The following DIXDC1 variants were observed in gnomAD, a reference collection of about 807,000 sequenced individuals.
DIXDC1 encodes the protein DIX domain containing 1, also known as dixin.
Under a neutral mutation model 103.1 loss-of-function variants are expected in DIXDC1, and 64 were observed. That is an observed-to-expected ratio of 0.62 (90% confidence interval 0.51 to 0.76). The LOEUF (loss-of-function observed/expected upper bound fraction) is 0.76. DIXDC1 is among the 30% of genes least tolerant of loss of function. DIXDC1 has a pLI of 0.00. For synonymous variants in DIXDC1, 266 were observed against 298.5 expected, an observed-to-expected ratio of 0.89 and a Z score of 1.12; for missense variants, 759 against 834.2, an observed-to-expected ratio of 0.91 and a Z score of 1.11.
Position 111,995,035 on chromosome 11 carries a change from G to A in DIXDC1, c.1454G>A (p.Ser485Asn). 1 of 1,613,748 alleles carries A rather than the reference G, an allele frequency of 6.2e-7. No individual in the cohort carries two copies. Among genetic ancestry groups the A allele is most frequent in the Non-Finnish European group, 8.5e-7 (1 of 1,179,892 alleles). ...CTGCTGTAGGCGACCAACTACAACA[G>A]TCACAACTCTCAAAGCAATGGTTTT... is the stretch of plus-strand genomic sequence containing the variant. ...READEATNYN[S>N]HNSQSNGFLL... Residue 485 changes from serine (S) to asparagine (N), a missense_variant, in exon 15 of 20, where the codon AGT (serine) becomes AAT (asparagine). By Grantham distance (46) the Ser-to-Asn change is conservative. This residue lies in a region of DIXDC1 where 657 missense variants were observed against 727.5 expected (regional missense o/e 0.90). Transcript: ENST00000440460.
At chr11:111,930,997 G>A (rs927463406) in intron 2 of DIXDC1, among the ~76,000 whole-genome samples, 29 of 151,784 alleles carry the variant, frequency 1.9e-4, no homozygotes, top group African/African-American at 6.3e-4. Context: ...GGGATTACCG[G>A]TGCCCACCAC....
chr11:111,994,168 C>T (rs1219870813), intron 14 of DIXDC1, among the ~76,000 whole-genome samples: 1 of 152,148 alleles, frequency 6.6e-6, no homozygotes, highest in Non-Finnish European at 1.5e-5. Context: ...AGGTGGCTAA[C>T]TTGAGGTCAG....
Position 112,012,902 on chromosome 11 carries a change from A to G in DIXDC1, c.1757-3789A>G, listed in dbSNP as rs367654697. 6.5e-4 allele frequency among the ~76,000 whole-genome samples: 99 copies of G among 152,334 alleles called. 2 individuals are homozygous for G. Among genetic ancestry groups the G allele is most frequent in the African/African-American group, 2.3e-3 (97 of 41,566 alleles). On this transcript the variant is annotated intron_variant, in intron 17 of 19. Transcript: ENST00000440460. ...ATTTTTACCAAAGCAGTCTTTGCCTATTAGACCCCTGTGTAGCATTTGACA... is the reference window on the plus strand; with the variant it reads ...ATTTTTACCAAAGCAGTCTTTGCCTGTTAGACCCCTGTGTAGCATTTGACA...
At chr11:111,971,742 C>CTA (rs1314491895) in intron 3 of DIXDC1, among the ~76,000 whole-genome samples, 1 of 151,494 alleles carries the variant, frequency 6.6e-6, no homozygotes, top group Admixed American at 6.6e-5. Context: ...ATATCTATAT[C>CTA]TATATCTATA....
At chr11:111,971,927 T>C (rs1482369429) in intron 3 of DIXDC1, among the ~76,000 whole-genome samples, 1 of 151,974 alleles carries the variant, frequency 6.6e-6, no homozygotes, top group Non-Finnish European at 1.5e-5. Context: ...TGGGTGCACA[T>C]TGGGACATAA....
chr11:111,967,620 G>A (rs1304544682), intron 2 of DIXDC1, among the ~76,000 whole-genome samples: 2 of 152,184 alleles, frequency 1.3e-5, no homozygotes, highest in African/African-American at 2.4e-5. Flanking sequence ...TTGTAGAGAC[G>A]GGGTTTTCAC....
chr11:111,980,118 C>T (rs1254320902), intron 5 of DIXDC1, among the ~76,000 whole-genome samples: 1 of 152,192 alleles, frequency 6.6e-6, no homozygotes, highest in Non-Finnish European at 1.5e-5. Flanking sequence ...ATATTATCTT[C>T]CCCTTGTCAT....
At chr11:111,955,997 C>T (rs1859349565) in intron 1 of DIXDC1, among the ~76,000 whole-genome samples, 1 of 151,078 alleles carries the variant, frequency 6.6e-6, no homozygotes, top group Non-Finnish European at 1.5e-5. Context: ...TACACACACA[C>T]ACACACACAC....
At position 111,968,609 on chromosome 11, in the gene DIXDC1, A is replaced by G; in HGVS notation, c.287A>G (p.Lys96Arg). ...EKVLQFVASKKIRMHQTSAKD... is the reference protein window; with the variant it reads ...EKVLQFVASKRIRMHQTSAKD... ...GTGCTACAGTTTGTGGCCTCTAAAA[A>G]GATTCGTATGCACCAGACTTCGGCT... The change falls in exon 3 of 20, where the codon AAG becomes AGG. Residue 96 changes from lysine (K) to arginine (R), a missense_variant. Physicochemically the swap from Lys to Arg is conservative, Grantham distance 26. Around this residue, in one of 3 missense-constraint regions of DIXDC1, gnomAD observed 657 missense variants for 727.5 expected, o/e 0.90. Transcript: ENST00000440460. The G allele has an allele frequency of 6.2e-7, 1 of 1,611,434 alleles. No individual in the cohort carries two copies. The highest frequency in any genetic ancestry group is 8.5e-7 in the Non-Finnish European group (1 of 1,178,686).
intron 15 of DIXDC1, 101 bp downstream of exon 15, chr11:111,995,209 C>T: frequency 1.5e-6 from 2 of 1,371,700 alleles, no homozygotes; most frequent in South Asian, 2.5e-5. Context: ...ATTCCAGTTC[C>T]CTAATTCCTG....
In DIXDC1 at chr11:112,016,858, G is replaced by C. The variant is rs1264207302; in HGVS notation, c.1862+62G>C. ...AGGAAAGGAAGGCAGAACCTCATTA[G>C]TTACTGCCCACATGAGCAGCTGAAA... On this transcript the variant is annotated intron_variant, in intron 18 of 19. Transcript: ENST00000440460. 2.8e-6 allele frequency: 4 copies of C among 1,406,036 alleles called. No homozygotes were observed. The African/African-American group carries it at 5.7e-5, about 20-fold the overall frequency. The allele number at this position is 1,406,036 out of a possible 1,614,324, so 87.1% of individuals were successfully genotyped here.
In DIXDC1 at chr11:111,998,972, A is replaced by G. The variant is rs890183593; in HGVS notation, c.1756+2826A>G. On this transcript the variant is annotated intron_variant, in intron 17 of 19. Coordinates refer to ENST00000440460, the MANE Select transcript of DIXDC1 (RefSeq NM_001037954.4). The surrounding 1 kb of genome is among the most constrained non-coding windows in gnomAD (Gnocchi z 4.1). ...TACAATCAAACAGATCTAGGGTACA[A>G]TTTGGGCTGCACCATTCAGCACAGT... Among the ~76,000 whole-genome samples the G allele has an allele frequency of 1.3e-5, 2 of 152,248 alleles. No individual in the cohort carries two copies. Among genetic ancestry groups the G allele is most frequent in the African/African-American group, 2.4e-5 (1 of 41,466 alleles).
rs1860155821 is a variant in DIXDC1 at position 111,977,625 on chromosome 11, A to G, written c.656+2642A>G. 5 of 1,539,488 alleles carry G rather than the reference A, an allele frequency of 3.2e-6. No individual in the cohort carries two copies. The highest frequency in any genetic ancestry group is 3.5e-6 in the Non-Finnish European group (4 of 1,142,192). On this transcript the variant is annotated intron_variant, in intron 5 of 19. Coordinates refer to ENST00000440460, the MANE Select transcript of DIXDC1 (RefSeq NM_001037954.4). This position sits in a 1 kb window ranked among gnomAD's most constrained non-coding sequence, Gnocchi z 6.1. Reference sequence around the variant, plus strand: ...CCCGCTTTCTCCCGCGAGCCGGGCCAGTAGCTTTGCTAGCTGGCCTTCCCG... The same window carrying G: ...CCCGCTTTCTCCCGCGAGCCGGGCCGGTAGCTTTGCTAGCTGGCCTTCCCG...
chr11:111,975,682 T>G (rs991396016), intron 5 of DIXDC1: 4 of 985,586 alleles, frequency 4.1e-6, no homozygotes, highest in Admixed American at 1.2e-4. Context: ...TGCTGAATCA[T>G]AATTTATGCT....
intron 17 of DIXDC1, among the ~76,000 whole-genome samples, chr11:112,014,709 T>C (rs1861533348): frequency 6.6e-6 from 1 of 152,192 alleles, no homozygotes; most frequent in Non-Finnish European, 1.5e-5. Context: ...ATTTTTATAT[T>C]CTCAAATCGA....
intron 17 of DIXDC1, among the ~76,000 whole-genome samples, chr11:112,016,478 T>G (rs1393465650): frequency 1.3e-5 from 2 of 151,948 alleles, no homozygotes; most frequent in African/African-American, 4.8e-5. Context: ...GAGTGAGGAG[T>G]GATGAGTCCT....
In DIXDC1 at chr11:111,939,866, G is replaced by T. The variant is rs185938143; in HGVS notation, c.60+2307G>T. Reference sequence around the variant, plus strand: ...TCCTTGAGATAAGGATGTAAACAGTGATTTAAAAGCTAGTGTCAGAATACG... The same window carrying T: ...TCCTTGAGATAAGGATGTAAACAGTTATTTAAAAGCTAGTGTCAGAATACG... On this transcript the variant is annotated intron_variant, in intron 1 of 19. Coordinates refer to ENST00000440460, the MANE Select transcript of DIXDC1 (RefSeq NM_001037954.4). Among the ~76,000 whole-genome samples, 5 of 152,286 alleles carry T rather than the reference G, an allele frequency of 3.3e-5. No homozygotes were observed. The East Asian group carries it at 7.7e-4, about 23-fold the overall frequency.
chr11:111,975,175 C>G, intron 5 of DIXDC1, 192 bp downstream of exon 5: 1 of 1,386,996 alleles, frequency 7.2e-7, no homozygotes, highest in Non-Finnish European at 9.4e-7. Flanking sequence ...GGGTGGGGTG[C>G]TGGTTTATTT....
chr11:111,972,773 G>A (rs1859977354), intron 3 of DIXDC1, among the ~76,000 whole-genome samples: 1 of 152,240 alleles, frequency 6.6e-6, no homozygotes, highest in African/African-American at 2.4e-5. Context: ...CAGGCCGGGT[G>A]CAGTGGCTCA....
Sources: allele counts gnomAD v4.1 joint callset (sites outside exome capture counted in the v4.1 genomes callset), GRCh38; gene constraint gnomAD v4.1.1; regional missense constraint gnomAD v4.1.1; non-coding constraint Gnocchi (gnomAD v3.1); transcripts MANE v1.5; gene names NCBI Gene and HGNC (gene_info 2026-07-23, HGNC 2026-07-21).